The following CIMAP1D variants were observed in gnomAD, a reference collection of about 807,000 sequenced individuals.
CIMAP1D encodes CIMAP1 family member D.
the CIMAP1D span, among the ~76,000 whole-genome samples, chr19:480,327 C>T: frequency 6.6e-6 from 1 of 152,196 alleles, no homozygotes; most frequent in African/African-American, 2.4e-5. Context: ...TGAGCAGGGA[C>T]GCGTCCCAAT....
At chr19:471,143 T>C in the CIMAP1D span, among the ~76,000 whole-genome samples, 1 of 152,272 alleles carries the variant, frequency 6.6e-6, no homozygotes, top group African/African-American at 2.4e-5. Flanking sequence ...TTTTTGTTTT[T>C]GTTTTCTTTT....
At chr19:486,353 C>T in the CIMAP1D span, among the ~76,000 whole-genome samples, 1 of 152,166 alleles carries the variant, frequency 6.6e-6, no homozygotes, top group Non-Finnish European at 1.5e-5. Context: ...TACACCCGGT[C>T]CAACTCCCTC....
chr19:481,867 C>T, the CIMAP1D span, among the ~76,000 whole-genome samples: 1 of 147,634 alleles, frequency 6.8e-6, no homozygotes. Context: ...CCTCCAACTT[C>T]TGGGCTGAAG....
chr19:486,160 C>T, the CIMAP1D span, among the ~76,000 whole-genome samples: 1 of 152,178 alleles, frequency 6.6e-6, no homozygotes, highest in African/African-American at 2.4e-5. Flanking sequence ...ATGTTACAGA[C>T]GAGGACACCG....
the CIMAP1D span, among the ~76,000 whole-genome samples, chr19:468,321 G>A: frequency 0.018 from 2,736 of 152,060 alleles, 65 homozygotes; most frequent in East Asian, 0.054. Flanking sequence ...AGCTGTGATC[G>A]CGCCACTGCA....
the CIMAP1D span, among the ~76,000 whole-genome samples, chr19:479,537 T>C: frequency 1.3e-5 from 2 of 151,984 alleles, no homozygotes; most frequent in Non-Finnish European, 2.9e-5. Context: ...CTCGCGTAGC[T>C]GGGATTACAG....
chr19:464,361 G>C, the CIMAP1D span: 1 of 1,531,316 alleles, frequency 6.5e-7, no homozygotes, highest in South Asian at 1.2e-5. Flanking sequence ...CGTCACCTCC[G>C]GACCTGAGAG....
At chr19:473,484 T>C in the CIMAP1D span, among the ~76,000 whole-genome samples, 4 of 53,276 alleles carry the variant, frequency 7.5e-5, no homozygotes, top group African/African-American at 3.0e-4. Flanking sequence ...AGATACACGG[T>C]CACAGATGGG....
chr19:469,678 G>T, the CIMAP1D span, among the ~76,000 whole-genome samples: 2 of 151,788 alleles, frequency 1.3e-5, no homozygotes, highest in African/African-American at 4.8e-5. Context: ...GCGATAGTGT[G>T]AGACTCAGTC....
At chr19:475,575 C>T in the CIMAP1D span, among the ~76,000 whole-genome samples, 2 of 152,038 alleles carry the variant, frequency 1.3e-5, no homozygotes, top group Non-Finnish European at 2.9e-5. Context: ...CCTGGGGCAG[C>T]GGCGAGGACA....
chr19:464,251 C>A, the CIMAP1D span: 7 of 1,534,534 alleles, frequency 4.6e-6, no homozygotes, highest in Non-Finnish European at 5.3e-6. Flanking sequence ...GCTGAGGTGT[C>A]CAGGGGCTTC....
At chr19:486,286 C>CT in the CIMAP1D span, among the ~76,000 whole-genome samples, 1 of 152,190 alleles carries the variant, frequency 6.6e-6, no homozygotes, top group Non-Finnish European at 1.5e-5. Flanking sequence ...CCTGCCCTCT[C>CT]TGGCTGCGTT....
chr19:473,991 G>A, the CIMAP1D span, among the ~76,000 whole-genome samples: 5 of 151,042 alleles, frequency 3.3e-5, no homozygotes, highest in Non-Finnish European at 7.4e-5. Flanking sequence ...TGGGGAAACT[G>A]AGGCCCAGGC....
At chr19:481,302 GGATGATGGAGAAC>G in the CIMAP1D span, among the ~76,000 whole-genome samples, 1 of 107,012 alleles carries the variant, frequency 9.3e-6, no homozygotes, top group East Asian at 3.3e-4. Flanking sequence ...ATGATGGGAA[GGATGATGGAGAAC>G]GATGATGGAG....
chr19:465,211 T>C, the CIMAP1D span, among the ~76,000 whole-genome samples: 6 of 119,558 alleles, frequency 5.0e-5, no homozygotes, highest in Admixed American at 3.6e-4. Flanking sequence ...GATGGATGGG[T>C]GGATAGAATG....
the CIMAP1D span, among the ~76,000 whole-genome samples, chr19:471,259 C>G: frequency 6.6e-6 from 1 of 152,170 alleles, no homozygotes; most frequent in East Asian, 1.9e-4. Context: ...CGCCATTCTC[C>G]TGCCTCAGCT....
At chr19:484,548 G>A in the CIMAP1D span, among the ~76,000 whole-genome samples, 6 of 152,226 alleles carry the variant, frequency 3.9e-5, no homozygotes, top group Non-Finnish European at 8.8e-5. Context: ...TTCACATACG[G>A]TGGCCAGGAA....
the CIMAP1D span, among the ~76,000 whole-genome samples, chr19:479,111 A>G: frequency 6.6e-6 from 1 of 152,314 alleles, no homozygotes; most frequent in African/African-American, 2.4e-5. Context: ...ATATGAGTAG[A>G]CAGCAAACTG....
At chr19:477,486 C>G in the CIMAP1D span, among the ~76,000 whole-genome samples, 1 of 151,566 alleles carries the variant, frequency 6.6e-6, no homozygotes, top group African/African-American at 2.4e-5. Context: ...AGGCAGGAGA[C>G]TCGCTTGAAC....
Sources: allele counts gnomAD v4.1 joint callset (sites outside exome capture counted in the v4.1 genomes callset), GRCh38; gene constraint gnomAD v4.1.1; transcripts MANE v1.5; gene names NCBI Gene and HGNC (gene_info 2026-07-23, HGNC 2026-07-21).